The following SPTBN4 variants were observed in gnomAD, a reference collection of about 807,000 sequenced individuals.
SPTBN4 encodes the protein spectrin beta chain, non-erythrocytic 4.
Under a neutral mutation model 277.8 loss-of-function variants are expected in SPTBN4, and 96 were observed. That is an observed-to-expected ratio of 0.35 (90% CI 0.29 to 0.41). The LOEUF is 0.41. Among genes scored for constraint, SPTBN4 ranks in the 10% least tolerant of loss-of-function variants. The pLI is 1.00. For missense variants in SPTBN4, 3,006 were observed against 3,595.7 expected (o/e 0.84, Z 4.19); for synonymous variants, 1,481 against 1,580.3 (o/e 0.94, Z 1.49).
intron 20 of SPTBN4, chr19:40,534,549 A>C: frequency 3.1e-6 from 2 of 642,408 alleles, no homozygotes; most frequent in South Asian, 4.1e-5. Context: ...TATGGAGTAC[A>C]AAGGGAAAAG....
At chr19:40,532,578 G>A in intron 18 of SPTBN4, 47 bp from the exon 19 acceptor site, 1 of 1,578,854 alleles carries the variant, frequency 6.3e-7, no homozygotes, top group Non-Finnish European at 8.6e-7. Context: ...GGGGGGCTGT[G>A]GCAGGTTGAG....
In SPTBN4 at chr19:40,502,184, G is replaced by A. The variant is rs762764961; in HGVS notation, c.954G>A (p.Ala318=). 52 of 1,613,980 alleles carry A rather than the reference G, an allele frequency of 3.2e-5. No individual in the cohort carries two copies. Among genetic ancestry groups the A allele is most frequent in the Non-Finnish European group, 4.1e-5 (48 of 1,180,036 alleles). ...GKIIERYEEL[A]AELLAWIHRT... The stretch of plus-strand genomic sequence containing the variant: ...TCATAGAACGCTACGAGGAGCTGGC[G>A]GCTGAGCTGCTGGCCTGGATCCACC... Residue 318 remains alanine (A), a synonymous_variant, in exon 9 of 36, where the codon GCG becomes GCA. Coordinates refer to ENST00000598249, the MANE Select transcript of SPTBN4 (RefSeq NM_020971.3). This position sits in a 1 kb window ranked among gnomAD's most constrained non-coding sequence, Gnocchi z 4.9.
chr19:40,517,109 G>A (rs573939739), intron 15 of SPTBN4, among the ~76,000 whole-genome samples: 1 of 152,268 alleles, frequency 6.6e-6, no homozygotes, highest in South Asian at 2.1e-4. Flanking sequence ...CTGAGCTGTA[G>A]CTGTTTATCT....
At chr19:40,569,771 C>A in intron 32 of SPTBN4, 45 bp downstream of exon 32, 1 of 1,567,906 alleles carries the variant, frequency 6.4e-7, no homozygotes, top group Non-Finnish European at 8.6e-7. Context: ...ACCCCTTTTT[C>A]AGAGCAGGAG....
chr19:40,469,707 G>T (rs182248688), intron 1 of SPTBN4, among the ~76,000 whole-genome samples: 1 of 149,188 alleles, frequency 6.7e-6, no homozygotes, highest in East Asian at 2.0e-4. Context: ...GCAGTGGTGC[G>T]ATCTCGGCTC....
chr19:40,485,805 CA>C (rs35972122), intron 2 of SPTBN4, among the ~76,000 whole-genome samples: 23,520 of 145,446 alleles, frequency 0.16, 2,389 homozygotes, highest in African/African-American at 0.3. Flanking sequence ...GATTGTGACT[CA>C]AAAAAAAAAG....
Position 40,519,696 on chromosome 19 carries a change from G to C in SPTBN4, c.3199G>C (p.Gly1067Arg). The C allele has an allele frequency of 2.2e-6, 3 of 1,388,844 alleles. No individual in the cohort carries two copies. The highest frequency in any genetic ancestry group is 2.8e-6 in the Non-Finnish European group (3 of 1,082,544). 86.0% of individuals were successfully genotyped at this position (1,388,844 alleles called of 1,614,324 possible). Residue 1067 changes from glycine to arginine, a missense_variant, in exon 16 of 36, where the codon GGC (glycine) becomes CGC (arginine). Physicochemically the swap from Gly to Arg is moderately radical, Grantham distance 125 (BLOSUM62 -2). Around this residue, in one of 5 missense-constraint regions of SPTBN4, gnomAD observed 1,759 missense variants for 2,061.5 expected, o/e 0.85. Transcript: ENST00000598249. This position sits in a 1 kb window ranked among gnomAD's most constrained non-coding sequence, Gnocchi z 5.7. ...GCTGCACCAGGGCGCGGAGGAGCTG[G>C]GCGCCGAGTGGGGCGCGCTAGCTAG... ...ARLHQGAEEL[G>R]AEWGALASAA...
At chr19:40,544,365 A>C (rs542412552) in intron 20 of SPTBN4, among the ~76,000 whole-genome samples, 11 of 140,374 alleles carry the variant, frequency 7.8e-5, no homozygotes, top group African/African-American at 2.7e-4. Context: ...CATGGTGTCT[A>C]TCTCTTGACC....
intron 13 of SPTBN4, among the ~76,000 whole-genome samples, chr19:40,509,984 C>T (rs574086473): frequency 9.2e-5 from 14 of 152,270 alleles, no homozygotes; most frequent in African/African-American, 2.9e-4. Context: ...CCTTTGCCCT[C>T]GCCTTGTGAA....
chr19:40,493,170 C>T lies in SPTBN4; in HGVS notation c.587+116C>T, dbSNP rs145340066. Reference sequence around the variant, plus strand: ...CCATGTCCTCAGGGTCAAAAAGTTACATCTGAAACTAACCAGCTGGTAAAT... The same window carrying T: ...CCATGTCCTCAGGGTCAAAAAGTTATATCTGAAACTAACCAGCTGGTAAAT... On this transcript the variant is annotated intron_variant, in intron 5 of 35. Transcript: ENST00000598249. 460 of 802,716 alleles carry T rather than the reference C, an allele frequency of 5.7e-4. 2 individuals carry two copies. In the African/African-American group the frequency reaches 6.7e-3, roughly 12 times the overall value. 49.7% of individuals were successfully genotyped at this position (802,716 alleles called of 1,614,324 possible).
chr19:40,535,201 G>A (rs1051995041), intron 20 of SPTBN4, among the ~76,000 whole-genome samples: 38 of 152,010 alleles, frequency 2.5e-4, no homozygotes, highest in Admixed American at 1.8e-3. Flanking sequence ...GACCACAAGC[G>A]CATACCACCA....
At chr19:40,508,151 T>C (rs2080350831) in intron 13 of SPTBN4, among the ~76,000 whole-genome samples, 1 of 151,566 alleles carries the variant, frequency 6.6e-6, no homozygotes, top group South Asian at 2.1e-4. Flanking sequence ...GGGCCAGGAG[T>C]GGGGTCAGCC....
intron 2 of SPTBN4, among the ~76,000 whole-genome samples, chr19:40,475,316 G>C (rs2079934662): frequency 6.6e-6 from 1 of 152,046 alleles, no homozygotes; most frequent in South Asian, 2.1e-4. Context: ...CGGAGCGCTA[G>C]AATCATAAAA....
At chr19:40,494,437 C>T (rs1161850286) in intron 5 of SPTBN4, among the ~76,000 whole-genome samples, 1 of 151,298 alleles carries the variant, frequency 6.6e-6, no homozygotes, top group Non-Finnish European at 1.5e-5. Flanking sequence ...CTCTCTCCTT[C>T]CCTCTCTTCT....
intron 26 of SPTBN4, among the ~76,000 whole-genome samples, chr19:40,558,046 T>G (rs2081001976): frequency 6.6e-6 from 1 of 151,706 alleles, no homozygotes; most frequent in Non-Finnish European, 1.5e-5. Context: ...GGAATTTGGC[T>G]GTGGTGTAGA....
intron 2 of SPTBN4, among the ~76,000 whole-genome samples, chr19:40,476,595 T>G (rs912639112): frequency 3.3e-4 from 50 of 152,146 alleles, no homozygotes; most frequent in Non-Finnish European, 1.9e-4. Flanking sequence ...TGTTTGTTTG[T>G]TTTTGTTTTT....
chr19:40,495,095 C>T lies in SPTBN4; in HGVS notation c.668+118C>T, dbSNP rs116574166. 938 of 851,396 alleles carry T rather than the reference C, an allele frequency of 1.1e-3. 12 individuals are homozygous for T. The African/African-American group carries it at 0.014, about 13-fold the overall frequency. 52.7% of individuals were successfully genotyped at this position (851,396 alleles called of 1,614,324 possible). A position where few individuals can be genotyped will look rare whatever the true frequency, so the allele number is the denominator to read the frequency against. ...ACACAGACATAAAGACCCATCCCTT[C>T]ACCTCTACACACACATACAGTTTTC... On this transcript the variant is annotated intron_variant, in intron 6 of 35. Transcript: ENST00000598249.
chr19:40,575,449 G>T lies in SPTBN4; in HGVS notation c.7575G>T (p.Ser2525=). Reference sequence around the variant, plus strand: ...GCTGGCTGGAGGCTGTAGCTTCCTCGGTGGCGGAACACGCAGAGATCGCCC... The same window carrying T: ...GCTGGCTGGAGGCTGTAGCTTCCTCTGTGGCGGAACACGCAGAGATCGCCC... ...MNGWLEAVAS[S]VAEHAEIARW... The change falls in exon 36 of 36, where the codon TCG becomes TCT. Residue 2525 remains serine, a synonymous_variant. Transcript: ENST00000598249. The T allele has an allele frequency of 6.2e-7, 1 of 1,613,270 alleles. No individual in the cohort carries two copies.
At chr19:40,473,416 G>A (rs12971704) in intron 2 of SPTBN4, among the ~76,000 whole-genome samples, 23,773 of 140,508 alleles carry the variant, frequency 0.17, 2,242 homozygotes, top group African/African-American at 0.27. Context: ...GGAGTGCAGT[G>A]GCGCGATCTC....
Sources: allele counts gnomAD v4.1 joint callset (sites outside exome capture counted in the v4.1 genomes callset), GRCh38; gene constraint gnomAD v4.1.1; regional missense constraint gnomAD v4.1.1; non-coding constraint Gnocchi (gnomAD v3.1); transcripts MANE v1.5; gene names NCBI Gene and HGNC (gene_info 2026-07-23, HGNC 2026-07-21).